SUPT3H: variants seen among roughly 807,000 people sequenced by gnomAD.
SUPT3H encodes SPT3 homolog, SAGA and STAGA complex component, also known as transcription initiation protein SPT3 homolog.
Under a neutral mutation model 44.3 loss-of-function variants are expected in SUPT3H, and 44 were observed. That is an observed-to-expected ratio of 0.99 (90% CI 0.78 to 1.28). The LOEUF is 1.28. Among genes scored for constraint, SUPT3H ranks in the 50% most tolerant of loss-of-function variants. The pLI, the probability that SUPT3H is intolerant of heterozygous loss-of-function variation, is 0.00. For missense variants in SUPT3H, 380 were observed against 387.1 expected (o/e 0.98, Z 0.15); for synonymous variants, 124 against 125.6 (o/e 0.99, Z 0.09).
intron 10 of SUPT3H, among the ~76,000 whole-genome samples, chr6:44,878,184 G>A (rs1032727657): frequency 1.3e-5 from 2 of 152,144 alleles, no homozygotes; most frequent in Non-Finnish European, 2.9e-5. Context: ...CCTAAATAGT[G>A]ATAAAGTAAT....
At chr6:44,822,406 CTCAT>C (rs1334897094), downstream of SUPT3H, among the ~76,000 whole-genome samples, 2 of 152,162 alleles carry the variant, frequency 1.3e-5, no homozygotes, top group Admixed American at 1.3e-4. Flanking sequence ...TCCTAAAAGG[CTCAT>C]TGTCTTTACA....
intron 3 of SUPT3H, among the ~76,000 whole-genome samples, chr6:45,075,776 G>A (rs1056615557): frequency 3.4e-5 from 5 of 145,828 alleles, no homozygotes; most frequent in Non-Finnish European, 7.5e-5. Flanking sequence ...ATTCTTCCAA[G>A]TTCCACAGTA....
intron 2 of SUPT3H, among the ~76,000 whole-genome samples, chr6:45,152,819 A>C (rs1807166072): frequency 2.0e-5 from 3 of 152,204 alleles, no homozygotes; most frequent in South Asian, 4.2e-4. Context: ...AAATTTAATC[A>C]TATGCTCTCC....
At chr6:45,249,356 C>A (rs1436058022) in intron 2 of SUPT3H, among the ~76,000 whole-genome samples, 2 of 151,608 alleles carry the variant, frequency 1.3e-5, no homozygotes, top group East Asian at 3.9e-4. Context: ...TATATCTAGT[C>A]AAATGACATT....
intron 6 of SUPT3H, among the ~76,000 whole-genome samples, chr6:44,997,897 T>C (rs565108729): frequency 1.5e-4 from 23 of 152,022 alleles, no homozygotes; most frequent in Non-Finnish European, 3.4e-4. Context: ...AACTATCATA[T>C]GGTTATTCTT....
intron 2 of SUPT3H, among the ~76,000 whole-genome samples, chr6:45,286,503 A>G (rs972079693): frequency 4.6e-5 from 7 of 152,238 alleles, no homozygotes; most frequent in Non-Finnish European, 1.0e-4. Context: ...GCTCATCATC[A>G]CTGGCCAGCA....
intron 10 of SUPT3H, among the ~76,000 whole-genome samples, chr6:44,928,746 AGT>A: frequency 6.6e-6 from 1 of 151,234 alleles, no homozygotes; most frequent in Admixed American, 6.6e-5. Context: ...AGCTGGGCGC[AGT>A]GGCGGGCGCC....
intron 10 of SUPT3H, among the ~76,000 whole-genome samples, chr6:44,884,501 G>GATTATA (rs1778801855): frequency 6.6e-6 from 1 of 151,974 alleles, no homozygotes; most frequent in South Asian, 2.1e-4. Flanking sequence ...AATACCAAAG[G>GATTATA]ATTATAAATC....
intron 10 of SUPT3H, among the ~76,000 whole-genome samples, chr6:44,851,093 A>T (rs1772813610): frequency 6.6e-6 from 1 of 152,146 alleles, no homozygotes; most frequent in Non-Finnish European, 1.5e-5. Flanking sequence ...AGCATCAAGG[A>T]CTTGGGGATT....
intron 2 of SUPT3H, among the ~76,000 whole-genome samples, chr6:45,212,125 C>T (rs554867331): frequency 6.6e-6 from 1 of 152,108 alleles, no homozygotes; most frequent in African/African-American, 2.4e-5. Context: ...AAGATTGCAC[C>T]ACTGCACTCC....
chr6:45,228,592 C>T (rs756894315), intron 2 of SUPT3H, among the ~76,000 whole-genome samples: 8 of 152,210 alleles, frequency 5.3e-5, no homozygotes, highest in South Asian at 4.2e-4. Context: ...CCCGCGCGCG[C>T]GCACACACAC....
chr6:45,065,116 G>T (rs1445218265), intron 3 of SUPT3H, among the ~76,000 whole-genome samples: 1 of 151,396 alleles, frequency 6.6e-6, no homozygotes, highest in Non-Finnish European at 1.5e-5. Flanking sequence ...CTATCTCTCA[G>T]ACCACAGTGC....
intron 2 of SUPT3H, among the ~76,000 whole-genome samples, chr6:45,346,823 C>G (rs186618293): frequency 2.0e-5 from 3 of 152,174 alleles, no homozygotes; most frequent in African/African-American, 4.8e-5. Flanking sequence ...CCTTGGCCCC[C>G]CAAAGTGCTA....
intron 10 of SUPT3H, among the ~76,000 whole-genome samples, chr6:44,891,570 G>A (rs577835633): frequency 3.3e-5 from 5 of 151,962 alleles, no homozygotes; most frequent in Admixed American, 6.6e-5. Context: ...ATAGAAAGTC[G>A]ATAGAGGCTA....
chr6:45,068,665 A>T (rs916849150), intron 3 of SUPT3H, among the ~76,000 whole-genome samples: 44 of 152,282 alleles, frequency 2.9e-4, no homozygotes, highest in African/African-American at 1.0e-3. Context: ...CTCTGAGCCC[A>T]GGCTTAGTGA....
intron 2 of SUPT3H, among the ~76,000 whole-genome samples, chr6:45,208,723 C>CA (rs34279438): frequency 0.053 from 5,084 of 96,704 alleles, 192 homozygotes; most frequent in Middle Eastern, 0.066. Flanking sequence ...GACTCTGTCT[C>CA]AAAAAAAAAA....
At chr6:45,273,297 T>A (rs1256678224) in intron 2 of SUPT3H, among the ~76,000 whole-genome samples, 4 of 152,196 alleles carry the variant, frequency 2.6e-5, no homozygotes, top group African/African-American at 7.2e-5. Context: ...CAGCATCGCC[T>A]CATCCCTTCA....
At chr6:45,133,832 G>A (rs1583742864) in intron 2 of SUPT3H, among the ~76,000 whole-genome samples, 3 of 152,164 alleles carry the variant, frequency 2.0e-5, no homozygotes, top group Non-Finnish European at 4.4e-5. Context: ...AGTGGCACAT[G>A]AACAGGGAGT....
chr6:45,288,070 T>G (rs1779610421), intron 2 of SUPT3H, among the ~76,000 whole-genome samples: 1 of 152,156 alleles, frequency 6.6e-6, no homozygotes, highest in South Asian at 2.1e-4. Flanking sequence ...ACCTATTTCT[T>G]ACTAGAACTT....
Sources: allele counts gnomAD v4.1 joint callset (sites outside exome capture counted in the v4.1 genomes callset), GRCh38; gene constraint gnomAD v4.1.1; transcripts MANE v1.5; gene names NCBI Gene and HGNC (gene_info 2026-07-23, HGNC 2026-07-21).